The following MCMBP variants were observed in gnomAD, a reference collection of about 807,000 sequenced individuals.
MCMBP encodes the protein mini-chromosome maintenance complex-binding protein.
A neutral mutation model predicts 81.3 loss-of-function variants in MCMBP; 31 were observed. That is an observed-to-expected ratio of 0.38 (90% CI 0.29 to 0.51). The LOEUF is 0.51. MCMBP is among the 20% of genes least tolerant of loss of function. The pLI is 0.87. For missense variants in MCMBP, 645 were observed against 772.1 expected, an observed-to-expected ratio of 0.84 and a Z score of 1.95; for synonymous variants, 267 against 275.9, an observed-to-expected ratio of 0.97 and a Z score of 0.32.
At chr10:119,855,132 C>G (rs762215063) in intron 5 of MCMBP, among the ~76,000 whole-genome samples, 1 of 151,962 alleles carries the variant, frequency 6.6e-6, no homozygotes, top group Non-Finnish European at 1.5e-5. Flanking sequence ...TGAGTGAAAT[C>G]TATGACAAAA....
intron 1 of MCMBP, among the ~76,000 whole-genome samples, chr10:119,871,599 G>A (rs34440144): frequency 6.6e-6 from 1 of 152,040 alleles, no homozygotes; most frequent in African/African-American, 2.4e-5. Context: ...GGATGATTTA[G>A]CTTCCCACTG....
chr10:119,871,745 G>A lies in MCMBP; in HGVS notation c.58+782C>T, dbSNP rs545008059. On this transcript the variant is annotated intron_variant, in intron 1 of 15. Transcript: ENST00000369077. ...TGGATCTGACTCCGCCACTCATTAC[G>A]TGTAAAAAGACACTGGGGAATGGAA... 5.9e-5 allele frequency among the ~76,000 whole-genome samples: 9 copies of A among 152,304 alleles called. No individual in the cohort carries two copies. The East Asian group carries it at 1.7e-3, about 29-fold the overall frequency.
At chr10:119,862,669 G>A (rs998344606) in intron 1 of MCMBP, among the ~76,000 whole-genome samples, 2 of 152,160 alleles carry the variant, frequency 1.3e-5, no homozygotes, top group African/African-American at 2.4e-5. Context: ...AGGTTTTCAT[G>A]TGAACATGAG....
intron 9 of MCMBP, 70 bp downstream of exon 9, chr10:119,843,184 G>A (rs1445207129): frequency 3.2e-6 from 5 of 1,558,482 alleles, no homozygotes; most frequent in South Asian, 1.1e-5. Flanking sequence ...CTATGAGCAC[G>A]TTACAGGCAG....
At position 119,872,626 on chromosome 10, in the gene MCMBP, TCCGCGGGCCGA is replaced by T; in HGVS notation, c.-53_-43del. Reference sequence around the variant, plus strand: ...GCCGGCGAAGACCGGGCGGAGGCGATCCGCGGGCCGAGCGCGGCCGGGCGGCCGGCGCCCAG... The same window carrying T: ...GCCGGCGAAGACCGGGCGGAGGCGATGCGCGGCCGGGCGGCCGGCGCCCAG... On this transcript the variant is annotated 5_prime_UTR_variant, in exon 1 of 16. Coordinates refer to ENST00000369077, the MANE Select transcript of MCMBP (RefSeq NM_001256378.2). 8.9e-7 allele frequency: 1 copy of T among 1,126,744 alleles called. No homozygotes were observed. Among genetic ancestry groups the T allele is most frequent in the East Asian group, 4.5e-5 (1 of 22,468 alleles). 69.8% of individuals were successfully genotyped at this position (1,126,744 alleles called of 1,614,324 possible).
At position 119,836,956 on chromosome 10, in the gene MCMBP, C is replaced by G. The variant is rs757642718; in HGVS notation, c.1482G>C (p.Gln494His). Residue 494 changes from glutamine (Q) to histidine (H), a missense_variant, in exon 13 of 16, where the codon CAG (glutamine) becomes CAC (histidine). Gln to His is a conservative substitution (Grantham distance 24, BLOSUM62 0). Coordinates refer to ENST00000369077, the MANE Select transcript of MCMBP (RefSeq NM_001256378.2). ...CGTTAATATTGCAGGGGAATTCCAT[C>G]TGATGGTAGCTGAAGTCATAATCCA... is the stretch of plus-strand genomic sequence containing the variant. ...QKVDYDFSYHQMEFPCNINVF... is the reference protein window; with the variant it reads ...QKVDYDFSYHHMEFPCNINVF... 3 of 1,613,758 alleles carry G rather than the reference C, an allele frequency of 1.9e-6. No homozygotes were observed. Among genetic ancestry groups the G allele is most frequent in the East Asian group, 4.5e-5 (2 of 44,884 alleles).
intron 4 of MCMBP, 127 bp downstream of exon 4, chr10:119,858,757 G>T: frequency 1.3e-6 from 1 of 752,932 alleles, no homozygotes; most frequent in Non-Finnish European, 2.1e-6. Context: ...ACCAAATAAG[G>T]AAAACATTTC....
Position 119,850,874 on chromosome 10 carries a change from G to GTTTTTTTTTTTTT in MCMBP, c.575-1311_575-1299dup, listed in dbSNP as rs1284100421. Among the ~76,000 whole-genome samples the GTTTTTTTTTTTTT allele has an allele frequency of 3.9e-4, 51 of 130,548 alleles. 1 individual carries two copies. Among genetic ancestry groups the GTTTTTTTTTTTTT allele is most frequent in the Middle Eastern group, 3.6e-3 (1 of 280 alleles). The allele number at this position is 130,548 out of a possible 152,430, so 85.6% of individuals were successfully genotyped here. A position where few individuals can be genotyped will look rare whatever the true frequency, so the allele number is the denominator to read the frequency against. On this transcript the variant is annotated intron_variant, in intron 6 of 15. Transcript: ENST00000369077. ...AGAGGCTAAAAGGTATACAAGATCT[G>GTTTTTTTTTTTTT]TTTTTTTTTTTTTTTTTTGAGACAG...
chr10:119,838,249 T>C (rs1157804386), intron 12 of MCMBP, among the ~76,000 whole-genome samples: 1 of 148,218 alleles, frequency 6.7e-6, no homozygotes, highest in Non-Finnish European at 1.5e-5. Flanking sequence ...ATATATGATA[T>C]ATATTAAATG....
chr10:119,872,036 T>C (rs950432497), intron 1 of MCMBP, among the ~76,000 whole-genome samples: 2 of 152,104 alleles, frequency 1.3e-5, no homozygotes, highest in African/African-American at 4.8e-5. Context: ...AGAATGAGGG[T>C]AGCACAGGAG....
intron 1 of MCMBP, among the ~76,000 whole-genome samples, chr10:119,861,974 CT>C (rs1177890101): frequency 1.3e-5 from 2 of 152,126 alleles, no homozygotes; most frequent in African/African-American, 4.8e-5. Context: ...AACTCCTGGG[CT>C]CAAGTGATCG....
Position 119,831,417 on chromosome 10 carries a change from G to A in MCMBP, c.*57C>T. 1.3e-6 allele frequency: 2 copies of A among 1,596,970 alleles called. No individual in the cohort carries two copies. Among genetic ancestry groups the A allele is most frequent in the Non-Finnish European group, 1.7e-6 (2 of 1,169,288 alleles). The stretch of plus-strand genomic sequence containing the variant: ...AACAATGTGGTATAAATGAATATCT[G>A]AATTTTACAATTATGTGGCTACAGT... On this transcript the variant is annotated 3_prime_UTR_variant, in exon 16 of 16. Transcript: ENST00000369077.
chr10:119,851,643 G>A (rs1367661315), intron 6 of MCMBP, among the ~76,000 whole-genome samples: 1 of 152,036 alleles, frequency 6.6e-6, no homozygotes, highest in Admixed American at 6.6e-5. Flanking sequence ...ATGCTGTCCA[G>A]GCTAGATGAT....
chr10:119,864,698 G>A (rs939883893), intron 1 of MCMBP, among the ~76,000 whole-genome samples: 5 of 146,310 alleles, frequency 3.4e-5, no homozygotes, highest in Non-Finnish European at 7.5e-5. Flanking sequence ...GGTTTATTTT[G>A]CTCTTCATTT....
chr10:119,831,239 C>A lies in MCMBP; in HGVS notation c.*235G>T. 3.8e-6 allele frequency: 1 copy of A among 265,896 alleles called. No individual in the cohort carries two copies. The highest frequency in any genetic ancestry group is 7.0e-6 in the Non-Finnish European group (1 of 143,682). The allele number at this position is 265,896 out of a possible 1,614,324, so 16.5% of individuals were successfully genotyped here. ...TTAATATCAAATACTTTTTTTACAT[C>A]ATTACTAATTTATATAATTATTATA... On this transcript the variant is annotated 3_prime_UTR_variant, in exon 16 of 16. Coordinates refer to ENST00000369077, the MANE Select transcript of MCMBP (RefSeq NM_001256378.2).
Position 119,829,703 on chromosome 10 carries a change from CAT to C in MCMBP, c.*1769_*1770del, listed in dbSNP as rs961669564. 5 of 152,240 alleles carry C rather than the reference CAT, an allele frequency of 3.3e-5. No homozygotes were observed. Among genetic ancestry groups the C allele is most frequent in the Non-Finnish European group, 7.3e-5 (5 of 68,068 alleles). 9.4% of individuals were successfully genotyped at this position (152,240 alleles called of 1,614,324 possible). ...CTCCTCCACTTCAGTTCAGCTCTCT[CAT>C]GTCTTCCACCAAGAGGACATGGTCT... On this transcript the variant is annotated 3_prime_UTR_variant, in exon 16 of 16. Transcript: ENST00000369077.
chr10:119,855,774 T>C lies in MCMBP; in HGVS notation c.429+1564A>G, dbSNP rs562012230. On this transcript the variant is annotated intron_variant, in intron 5 of 15. Coordinates refer to ENST00000369077, the MANE Select transcript of MCMBP (RefSeq NM_001256378.2). ...GAAAACAGAAAATTGAAGTGAAAAA[T>C]AGACTAACATTATTGGGAATGAAAG... Among the ~76,000 whole-genome samples the C allele has an allele frequency of 1.0e-3, 152 of 151,426 alleles. 1 individual carries two copies. The Middle Eastern group carries it at 0.01, about 10-fold the overall frequency.
rs34331152 is a variant in MCMBP at position 119,857,097 on chromosome 10, C to CAAAA, written c.429+237_429+240dup. 9.7e-5 allele frequency among the ~76,000 whole-genome samples: 8 copies of CAAAA among 82,460 alleles called. No individual in the cohort carries two copies. The East Asian group carries it at 1.2e-3, about 12-fold the overall frequency. The allele number at this position is 82,460 out of a possible 152,430, so 54.1% of individuals were successfully genotyped here. A position where few individuals can be genotyped will look rare whatever the true frequency, so the allele number is the denominator to read the frequency against. On this transcript the variant is annotated intron_variant, in intron 5 of 15. Coordinates refer to ENST00000369077, the MANE Select transcript of MCMBP (RefSeq NM_001256378.2). ...CCTGGGTGACAGTGAGTCCCTATCT[C>CAAAA]AAAAAAAAAAAAAAAAAAAAAAAAT...
chr10:119,870,888 C>T (rs1456622538), intron 1 of MCMBP, among the ~76,000 whole-genome samples: 1 of 152,180 alleles, frequency 6.6e-6, no homozygotes, highest in East Asian at 1.9e-4. Context: ...CCACAACAAT[C>T]CACATAATTT....
Sources: allele counts gnomAD v4.1 joint callset (sites outside exome capture counted in the v4.1 genomes callset), GRCh38; gene constraint gnomAD v4.1.1; transcripts MANE v1.5; gene names NCBI Gene and HGNC (gene_info 2026-07-23, HGNC 2026-07-21).